HOATZ: variants seen among roughly 807,000 people sequenced by gnomAD.
The protein encoded by HOATZ is cilia- and flagella-associated protein HOATZ.
HOATZ carries 26 observed loss-of-function variants against 24.9 expected under a neutral mutation model. The ratio of observed to expected loss-of-function variants is 1.04; its 90% CI spans 0.76 to 1.45. The LOEUF (loss-of-function observed/expected upper bound fraction) is 1.45. HOATZ is among the 40% of genes most tolerant of loss of function. The pLI is 0.00. For missense variants in HOATZ, 226 were observed against 201.5 expected (o/e 1.12, Z -0.74); for synonymous variants, 83 against 76.6 (o/e 1.08, Z -0.43).
intron 3 of HOATZ, among the ~76,000 whole-genome samples, chr11:111,527,364 G>A (rs1017852980): frequency 9.2e-5 from 14 of 151,788 alleles, no homozygotes; most frequent in African/African-American, 3.1e-4. Flanking sequence ...TCTCATTTTA[G>A]TAAGTTGTTA....
intron 3 of HOATZ, among the ~76,000 whole-genome samples, chr11:111,516,639 T>C (rs905447169): frequency 4.6e-5 from 7 of 152,000 alleles, no homozygotes; most frequent in African/African-American, 1.5e-4. Context: ...ATCCTCTGAG[T>C]CCAGAAATTC....
At chr11:111,536,648 C>T in intron 5 of HOATZ, 122 bp from the exon 6 acceptor site, 1 of 762,114 alleles carries the variant, frequency 1.3e-6, no homozygotes, top group Non-Finnish European at 2.3e-6. Context: ...CAAAACCCAA[C>T]ACATAGAATC....
At chr11:111,515,200 T>C (rs930042850) in intron 1 of HOATZ, 190 bp downstream of exon 1, 11 of 606,310 alleles carry the variant, frequency 1.8e-5, no homozygotes, top group Admixed American at 1.5e-4. Flanking sequence ...GTGGTATATA[T>C]GTTACATCTA....
intron 3 of HOATZ, among the ~76,000 whole-genome samples, chr11:111,524,368 T>G (rs1478059535): frequency 2.6e-5 from 4 of 152,202 alleles, no homozygotes; most frequent in African/African-American, 9.7e-5. Flanking sequence ...CAGAAAAATT[T>G]GATAGACGTT....
At chr11:111,518,145 A>G (rs1459564482) in intron 3 of HOATZ, among the ~76,000 whole-genome samples, 1 of 152,252 alleles carries the variant, frequency 6.6e-6, no homozygotes, top group Non-Finnish European at 1.5e-5. Flanking sequence ...AGTATCTGCC[A>G]AGTTGTTCAT....
chr11:111,530,573 A>C (rs1867383846), intron 3 of HOATZ, among the ~76,000 whole-genome samples: 1 of 152,176 alleles, frequency 6.6e-6, no homozygotes, highest in Non-Finnish European at 1.5e-5. Context: ...TCATAAATAA[A>C]AATATAAATA....
At chr11:111,524,818 A>T in intron 3 of HOATZ, 1 of 422,790 alleles carries the variant, frequency 2.4e-6, no homozygotes, top group Non-Finnish European at 4.6e-6. Context: ...TTGTTGATAT[A>T]AACTTTGATG....
At chr11:111,517,153 G>T (rs1042440477) in intron 3 of HOATZ, among the ~76,000 whole-genome samples, 23 of 152,236 alleles carry the variant, frequency 1.5e-4, no homozygotes, top group African/African-American at 5.5e-4. Context: ...TCACTTTGTG[G>T]ACTACTGGTG....
intron 4 of HOATZ, among the ~76,000 whole-genome samples, 154 bp downstream of exon 4, chr11:111,533,959 A>G (rs7120076): frequency 0.036 from 5,530 of 152,322 alleles, 345 homozygotes; most frequent in African/African-American, 0.12. Flanking sequence ...GACATTAGAT[A>G]ATTTGGCAAC....
At chr11:111,518,284 T>G (rs1398020980) in intron 3 of HOATZ, among the ~76,000 whole-genome samples, 1 of 152,128 alleles carries the variant, frequency 6.6e-6, no homozygotes, top group African/African-American at 2.4e-5. Context: ...GCCTTCTTAG[T>G]ATATGGGGAA....
At chr11:111,532,103 C>G (rs539930228) in intron 3 of HOATZ, among the ~76,000 whole-genome samples, 1 of 152,316 alleles carries the variant, frequency 6.6e-6, no homozygotes, top group East Asian at 1.9e-4. Flanking sequence ...CTACTCCACA[C>G]ACACACCTTT....
At chr11:111,532,637 G>A (rs757106468) in intron 3 of HOATZ, among the ~76,000 whole-genome samples, 18 of 152,258 alleles carry the variant, frequency 1.2e-4, no homozygotes, top group Non-Finnish European at 2.5e-4. Flanking sequence ...CCTTGATTTC[G>A]GACTTCTAGT....
intron 3 of HOATZ, among the ~76,000 whole-genome samples, chr11:111,525,287 G>T (rs1333893083): frequency 6.6e-6 from 1 of 152,014 alleles, no homozygotes; most frequent in Non-Finnish European, 1.5e-5. Flanking sequence ...TCATTATAAA[G>T]GACACATTCT....
At chr11:111,519,459 A>T (rs113215371) in intron 3 of HOATZ, among the ~76,000 whole-genome samples, 501 of 152,286 alleles carry the variant, frequency 3.3e-3, no homozygotes, top group Non-Finnish European at 5.7e-3. Flanking sequence ...CCAAAATCTA[A>T]TCTGTTAGCA....
intron 3 of HOATZ, among the ~76,000 whole-genome samples, chr11:111,522,788 T>C (rs1435813644): frequency 6.6e-6 from 1 of 152,136 alleles, no homozygotes; most frequent in African/African-American, 2.4e-5. Context: ...TCCGTAGCAC[T>C]TGCATGTTCA....
chr11:111,529,007 G>A (rs1440101361), intron 3 of HOATZ, among the ~76,000 whole-genome samples: 2 of 152,138 alleles, frequency 1.3e-5, no homozygotes, highest in African/African-American at 2.4e-5. Flanking sequence ...TCTTCTACCT[G>A]TAAAGAGGTA....
chr11:111,524,058 C>A (rs1484383337), intron 3 of HOATZ, among the ~76,000 whole-genome samples: 1 of 152,154 alleles, frequency 6.6e-6, no homozygotes, highest in African/African-American at 2.4e-5. Flanking sequence ...TCCTGACATA[C>A]CAAATAAGTG....
At chr11:111,528,175 G>GT (rs1867359517) in intron 3 of HOATZ, among the ~76,000 whole-genome samples, 1 of 133,320 alleles carries the variant, frequency 7.5e-6, no homozygotes, top group African/African-American at 2.7e-5. Flanking sequence ...AAAAAAAATC[G>GT]TTTTTTAATT....
At chr11:111,523,313 A>C (rs1056356058) in intron 3 of HOATZ, among the ~76,000 whole-genome samples, 2 of 149,332 alleles carry the variant, frequency 1.3e-5, no homozygotes, top group African/African-American at 2.5e-5. Flanking sequence ...GATAAAATAT[A>C]TGTATTAGAT....
Sources: allele counts gnomAD v4.1 joint callset (sites outside exome capture counted in the v4.1 genomes callset), GRCh38; gene constraint gnomAD v4.1.1; transcripts MANE v1.5; gene names NCBI Gene and HGNC (gene_info 2026-07-23, HGNC 2026-07-21).